Variants in MYO5A observed in about 807,000 individuals in gnomAD.
MYO5A encodes the protein myosin VA.
A neutral mutation model predicts 249.7 loss-of-function variants in MYO5A; 98 were observed. The ratio of observed to expected loss-of-function variants is 0.39; its 90% CI spans 0.33 to 0.46. MYO5A has a LOEUF of 0.46. Ranked by LOEUF, MYO5A falls within the 20% of genes least tolerant of loss-of-function variation. MYO5A has a pLI of 0.98. For missense variants in MYO5A, 1,696 were observed against 2,308.8 expected (o/e 0.73, Z 5.44); for synonymous variants, 778 against 810.6 (o/e 0.96, Z 0.68).
At chr15:52,338,770 G>C (rs1567032704) in intron 32 of MYO5A, among the ~76,000 whole-genome samples, 1 of 152,084 alleles carries the variant, frequency 6.6e-6, no homozygotes, top group Admixed American at 6.5e-5. Flanking sequence ...TTGCAAACAA[G>C]GTTGCAAGAG....
intron 3 of MYO5A, among the ~76,000 whole-genome samples, chr15:52,426,564 G>A (rs951358550): frequency 6.6e-6 from 1 of 152,094 alleles, no homozygotes. Context: ...CCAGGCTTAC[G>A]AAATCCTCCC....
Position 52,319,223 on chromosome 15 carries a change from G to A in MYO5A, c.5071C>T (p.Arg1691Trp), listed in dbSNP as rs1406882573. Reference protein sequence around the residue: ...EGTYTLDSILRQLNSFHSVMC... With the variant: ...EGTYTLDSILWQLNSFHSVMC... ...ACCGAGTGGAAGGAGTTGAGCTGCCGGAGGATGGAGTCCAGTGTGTAGGTG... is the reference window on the plus strand; with the variant it reads ...ACCGAGTGGAAGGAGTTGAGCTGCCAGAGGATGGAGTCCAGTGTGTAGGTG... Residue 1691 changes from arginine (R) to tryptophan (W), a missense_variant, in exon 39 of 42, where the codon CGG becomes TGG. Coordinates refer to ENST00000399233, the MANE Select transcript of MYO5A (RefSeq NM_001382347.1). The A allele has an allele frequency of 8.1e-6, 13 of 1,614,066 alleles. No individual in the cohort carries two copies. The highest frequency in any genetic ancestry group is 2.2e-5 in the South Asian group (2 of 91,086).
chr15:52,409,942 A>T (rs1298497023), intron 6 of MYO5A, among the ~76,000 whole-genome samples: 1 of 152,186 alleles, frequency 6.6e-6, no homozygotes, highest in Non-Finnish European at 1.5e-5. Flanking sequence ...AGAGGAGAAG[A>T]AGGAAGGAAA....
At chr15:52,343,242 G>A in intron 30 of MYO5A, 45 bp from the exon 31 acceptor site, 2 of 1,496,354 alleles carry the variant, frequency 1.3e-6, no homozygotes, top group African/African-American at 1.4e-5. Flanking sequence ...AAAGGATACA[G>A]GATGCTGATG....
Position 52,496,849 on chromosome 15 carries a change from C to T in MYO5A, c.27+31931G>A, listed in dbSNP as rs529485045. Among the ~76,000 whole-genome samples, 17 of 152,364 alleles carry T rather than the reference C, an allele frequency of 1.1e-4. No individual in the cohort carries two copies. In the South Asian group the frequency reaches 2.9e-3, roughly 26 times the overall value. Reference sequence around the variant, plus strand: ...GGTGCTGTGAAACTGGAATGCCCTTCCTTCAGGGTAGTCCTGAGTTGGCAC... The same window carrying T: ...GGTGCTGTGAAACTGGAATGCCCTTTCTTCAGGGTAGTCCTGAGTTGGCAC... On this transcript the variant is annotated intron_variant, in intron 1 of 41. Coordinates refer to ENST00000399233, the MANE Select transcript of MYO5A (RefSeq NM_001382347.1).
chr15:52,443,308 CT>C (rs997248833), intron 1 of MYO5A, among the ~76,000 whole-genome samples: 1 of 152,134 alleles, frequency 6.6e-6, no homozygotes, highest in African/African-American at 2.4e-5. Flanking sequence ...TCTGAGGATG[CT>C]GAAGACTAAA....
Position 52,397,462 on chromosome 15 carries a change from T to C in MYO5A, c.1058A>G (p.Lys353Arg), listed in dbSNP as rs374157207. Residue 353 changes from lysine (K) to arginine (R), a missense_variant, in exon 10 of 42, where the codon AAG becomes AGG. This residue lies in a region of MYO5A where 185 missense variants were observed against 204.8 expected (regional missense o/e 0.90). Transcript: ENST00000399233. ...RDADSCTIPP[K>R]HEPLCIFCEL... ...ACAGAAGATGCAGAGAGGTTCATGC[T>C]TGGGCTGCCAAAAGATAATGAGTTA... 4.8e-5 allele frequency: 78 copies of C among 1,613,800 alleles called. No individual in the cohort carries two copies. In the African/African-American group the frequency reaches 9.2e-4, roughly 19 times the overall value.
At chr15:52,421,405 G>A (rs1236797485) in intron 4 of MYO5A, among the ~76,000 whole-genome samples, 2 of 152,206 alleles carry the variant, frequency 1.3e-5, no homozygotes, top group Non-Finnish European at 2.9e-5. Context: ...TGACTATGAT[G>A]ATAAGAACAG....
intron 28 of MYO5A, among the ~76,000 whole-genome samples, chr15:52,349,986 G>C (rs144447719): frequency 2.0e-5 from 3 of 152,240 alleles, no homozygotes; most frequent in Non-Finnish European, 4.4e-5. Context: ...AGGCGGGAGC[G>C]CAGTGGCACG....
intron 11 of MYO5A, among the ~76,000 whole-genome samples, chr15:52,393,863 C>A (rs2042370701): frequency 6.6e-6 from 1 of 152,110 alleles, no homozygotes; most frequent in Non-Finnish European, 1.5e-5. Context: ...ACTGATGGTA[C>A]GAGTATCTTC....
At chr15:52,456,856 C>T (rs910465550) in intron 1 of MYO5A, among the ~76,000 whole-genome samples, 27 of 152,186 alleles carry the variant, frequency 1.8e-4, no homozygotes, top group African/African-American at 6.3e-4. Flanking sequence ...AGATCTGAAA[C>T]TTGTAGAAGT....
At chr15:52,380,519 G>T (rs1254105090) in intron 16 of MYO5A, among the ~76,000 whole-genome samples, 1 of 151,992 alleles carries the variant, frequency 6.6e-6, no homozygotes, top group Non-Finnish European at 1.5e-5. Flanking sequence ...TGTAATCCCA[G>T]CACTTTAGGA....
At chr15:52,436,599 G>A (rs1001571881) in intron 1 of MYO5A, among the ~76,000 whole-genome samples, 1 of 152,130 alleles carries the variant, frequency 6.6e-6, no homozygotes, top group South Asian at 2.1e-4. Context: ...TTATGTTCTT[G>A]TTTGTTTACT....
intron 1 of MYO5A, among the ~76,000 whole-genome samples, chr15:52,463,010 G>T (rs79848750): frequency 6.6e-6 from 1 of 152,236 alleles, no homozygotes; most frequent in Non-Finnish European, 1.5e-5. Context: ...CGGGTTCTCA[G>T]TATGACTGAG....
At chr15:52,378,953 G>A (rs1441814437) in intron 18 of MYO5A, among the ~76,000 whole-genome samples, 1 of 152,278 alleles carries the variant, frequency 6.6e-6, no homozygotes, top group East Asian at 1.9e-4. Context: ...AGCCTGGTCT[G>A]CAAGACTCTC....
chr15:52,518,124 C>T (rs1297995784), intron 1 of MYO5A, among the ~76,000 whole-genome samples: 1 of 151,944 alleles, frequency 6.6e-6, no homozygotes, highest in Non-Finnish European at 1.5e-5. Context: ...CCATCCCCAC[C>T]ATCCCAAGAG....
At chr15:52,460,401 T>A (rs1221988482) in intron 1 of MYO5A, among the ~76,000 whole-genome samples, 1 of 152,104 alleles carries the variant, frequency 6.6e-6, no homozygotes, top group Non-Finnish European at 1.5e-5. Context: ...TCCCGGCACC[T>A]CGGGAGGCCG....
At position 52,308,620 on chromosome 15, in the gene MYO5A, C is replaced by G. The variant is rs2037686500; in HGVS notation, c.*5076G>C. On this transcript the variant is annotated 3_prime_UTR_variant, in exon 42 of 42. Transcript: ENST00000399233. The stretch of plus-strand genomic sequence containing the variant: ...AGCTGGCCTCTCACTGGCTCTGAGA[C>G]TGTTGCTGCCCCACAGTTCTAATTC... 6.6e-6 allele frequency: 1 copy of G among 152,464 alleles called. No homozygotes were observed. The highest frequency in any genetic ancestry group is 6.5e-5 in the Admixed American group (1 of 15,286). 9.4% of individuals were successfully genotyped at this position (152,464 alleles called of 1,614,324 possible). A position where few individuals can be genotyped will look rare whatever the true frequency, so the allele number is the denominator to read the frequency against.
At chr15:52,399,465 T>C (rs979919406) in intron 9 of MYO5A, among the ~76,000 whole-genome samples, 1 of 152,144 alleles carries the variant, frequency 6.6e-6, no homozygotes, top group Admixed American at 6.5e-5. Flanking sequence ...AAAATCTTTA[T>C]CATTGCAAAG....
Sources: allele counts gnomAD v4.1 joint callset (sites outside exome capture counted in the v4.1 genomes callset), GRCh38; gene constraint gnomAD v4.1.1; regional missense constraint gnomAD v4.1.1; transcripts MANE v1.5; gene names NCBI Gene and HGNC (gene_info 2026-07-23, HGNC 2026-07-21).